The following COG3 variants were observed in gnomAD, a reference collection of about 807,000 sequenced individuals.
COG3 encodes the protein component of oligomeric golgi complex 3, also known as conserved oligomeric Golgi complex subunit 3.
COG3 carries 32 observed loss-of-function variants against 114.1 expected under a neutral mutation model. The observed-to-expected ratio is 0.28, with a 90% confidence interval of 0.21 to 0.38. COG3 has a LOEUF of 0.38. Among genes scored for constraint, COG3 ranks in the 10% least tolerant of loss-of-function variants. The probability of loss-of-function intolerance (pLI) is 1.00; values close to 1 mark genes in which losing one functional copy is unlikely to be tolerated. For missense variants in COG3, 813 were observed against 973.2 expected (o/e 0.84, Z 2.19); for synonymous variants, 352 against 365.7 (o/e 0.96, Z 0.43).
At chr13:45,491,655 GT>G (rs1566251907) in intron 10 of COG3, 117 bp downstream of exon 10, 3 of 930,080 alleles carry the variant, frequency 3.2e-6, no homozygotes, top group East Asian at 2.8e-5. Context: ...GAAAAAGCAT[GT>G]TTTTCATTAT....
chr13:45,496,680 T>G (rs1372728547), intron 13 of COG3, among the ~76,000 whole-genome samples: 1 of 152,178 alleles, frequency 6.6e-6, no homozygotes, highest in Admixed American at 6.5e-5. Flanking sequence ...TTTTTGTTTT[T>G]TTTGTTTTTT....
chr13:45,490,429 A>G (rs1031567977), intron 8 of COG3, among the ~76,000 whole-genome samples: 1 of 152,176 alleles, frequency 6.6e-6, no homozygotes, highest in African/African-American at 2.4e-5. Flanking sequence ...GTTTCACTCA[A>G]GGCTCTTCAC....
intron 1 of COG3, among the ~76,000 whole-genome samples, chr13:45,472,218 AAT>A (rs1397758219): frequency 6.6e-6 from 1 of 151,998 alleles, no homozygotes; most frequent in Admixed American, 6.6e-5. Context: ...CTCTGTATAG[AAT>A]ATGTCTTTTT....
chr13:45,469,874 A>G (rs1885362255), intron 1 of COG3, among the ~76,000 whole-genome samples: 1 of 152,198 alleles, frequency 6.6e-6, no homozygotes, highest in African/African-American at 2.4e-5. Flanking sequence ...CAAAAATTCA[A>G]AATTATTTCT....
Position 45,465,141 on chromosome 13 carries a change from G to T in COG3, c.105G>T (p.Leu35=). The T allele has an allele frequency of 6.2e-7, 1 of 1,613,618 alleles. No homozygotes were observed. Among genetic ancestry groups the T allele is most frequent in the South Asian group, 1.1e-5 (1 of 91,058 alleles). Residue 35 remains leucine, a synonymous_variant, in exon 1 of 23, where the codon CTG becomes CTT. Coordinates refer to ENST00000349995, the MANE Select transcript of COG3 (RefSeq NM_031431.4). ...WDRRPDTTAP[L]TDRQTDSVLE... ...GGAGACCGGACACGACGGCGCCGCT[G>T]ACCGACAGGCAGACGGACTCGGTAT...
At chr13:45,529,227 T>C (rs1263233142) in intron 20 of COG3, among the ~76,000 whole-genome samples, 2 of 152,242 alleles carry the variant, frequency 1.3e-5, no homozygotes, top group Non-Finnish European at 2.9e-5. Flanking sequence ...TCCTTTTCTA[T>C]GTAACTCCTT....
chr13:45,526,135 C>T (rs931008839), intron 20 of COG3, among the ~76,000 whole-genome samples: 2 of 118,836 alleles, frequency 1.7e-5, no homozygotes, highest in Admixed American at 1.1e-4. Context: ...GTTGCCCAGG[C>T]TGGAGTGCAG....
chr13:45,476,055 T>A, intron 1 of COG3, 146 bp from the exon 2 acceptor site: 1 of 703,644 alleles, frequency 1.4e-6, no homozygotes. Flanking sequence ...AAAATGTTAG[T>A]ACTATATAGT....
intron 14 of COG3, among the ~76,000 whole-genome samples, chr13:45,507,633 C>T (rs1310877421): frequency 6.6e-6 from 1 of 151,960 alleles, no homozygotes; most frequent in Non-Finnish European, 1.5e-5. Context: ...GGTGTGGTGG[C>T]ACATGCCTGT....
chr13:45,522,902 C>T (rs947228320), intron 19 of COG3, among the ~76,000 whole-genome samples: 1 of 152,182 alleles, frequency 6.6e-6, no homozygotes, highest in African/African-American at 2.4e-5. Context: ...TAGTAGAAAG[C>T]AAGAACTTTG....
intron 5 of COG3, among the ~76,000 whole-genome samples, chr13:45,481,545 C>G (rs1886248699): frequency 6.6e-6 from 1 of 152,048 alleles, no homozygotes; most frequent in Non-Finnish European, 1.5e-5. Context: ...TATTGGCTAC[C>G]TCTTATAGTT....
At chr13:45,476,125 A>T in intron 1 of COG3, 76 bp from the exon 2 acceptor site, 1 of 1,404,088 alleles carries the variant, frequency 7.1e-7, no homozygotes, top group Admixed American at 1.8e-5. Context: ...AACAACTGAG[A>T]TGGAAACCCA....
At chr13:45,469,447 G>A (rs1014241837) in intron 1 of COG3, among the ~76,000 whole-genome samples, 3 of 152,110 alleles carry the variant, frequency 2.0e-5, no homozygotes, top group African/African-American at 7.2e-5. Flanking sequence ...CCTGAAAGTT[G>A]GGCATATTTA....
chr13:45,465,269 C>T (rs1885061424), intron 1 of COG3, 59 bp downstream of exon 1: 21 of 1,582,998 alleles, frequency 1.3e-5, no homozygotes, highest in Middle Eastern at 2.0e-4. Context: ...CCTCGGGCGC[C>T]CCGGCAGGAC....
rs1284300399 is a variant in COG3, at chr13:45,535,699, A to C, written c.*968A>C. 4.1e-6 allele frequency: 4 copies of C among 978,928 alleles called. No homozygotes were observed. The highest frequency in any genetic ancestry group is 4.8e-6 in the Non-Finnish European group (4 of 827,368). The allele number at this position is 978,928 out of a possible 1,614,324, so 60.6% of individuals were successfully genotyped here. Reference sequence around the variant, plus strand: ...GACCAGCTGTGTGGATCTCTAGCCCAGCTACAGCAGAATACATTTTACCAG... The same window carrying C: ...GACCAGCTGTGTGGATCTCTAGCCCCGCTACAGCAGAATACATTTTACCAG... On this transcript the variant is annotated 3_prime_UTR_variant, in exon 23 of 23. Coordinates refer to ENST00000349995, the MANE Select transcript of COG3 (RefSeq NM_031431.4).
At position 45,530,672 on chromosome 13, in the gene COG3, C is replaced by T. The variant is rs766326760; in HGVS notation, c.2359-10C>T. On this transcript the variant is annotated splice_polypyrimidine_tract_variant and intron_variant, in intron 21 of 22. Coordinates refer to ENST00000349995, the MANE Select transcript of COG3 (RefSeq NM_031431.4). ...CTCATTTGATAAGATCTCCTCTCCTCCTTTCTAAGAATAATATTCAGCAAG... is the reference window on the plus strand; with the variant it reads ...CTCATTTGATAAGATCTCCTCTCCTTCTTTCTAAGAATAATATTCAGCAAG... 36 of 1,534,518 alleles carry T rather than the reference C, an allele frequency of 2.3e-5. No individual in the cohort carries two copies. The highest frequency in any genetic ancestry group is 3.0e-5 in the Non-Finnish European group (33 of 1,107,984).
chr13:45,532,815 C>T (rs1028603745), intron 22 of COG3, among the ~76,000 whole-genome samples: 14 of 150,598 alleles, frequency 9.3e-5, no homozygotes, highest in Middle Eastern at 3.2e-3. Flanking sequence ...CCTCAGCCTC[C>T]CAAAGTGCTG....
At chr13:45,509,872 T>G in intron 15 of COG3, 56 bp downstream of exon 15, 1 of 1,445,290 alleles carries the variant, frequency 6.9e-7, no homozygotes, top group Non-Finnish European at 9.4e-7. Flanking sequence ...ATTTTTAAAT[T>G]TACATTTTAA....
chr13:45,514,708 C>T (rs187994654), intron 16 of COG3, among the ~76,000 whole-genome samples: 2 of 151,834 alleles, frequency 1.3e-5, no homozygotes, highest in Admixed American at 1.3e-4. Flanking sequence ...AGTGCAGTGG[C>T]GTGATCTTGG....
Sources: allele counts gnomAD v4.1 joint callset (sites outside exome capture counted in the v4.1 genomes callset), GRCh38; gene constraint gnomAD v4.1.1; transcripts MANE v1.5; gene names NCBI Gene and HGNC (gene_info 2026-07-23, HGNC 2026-07-21).